Variants in TBC1D22A observed in about 807,000 individuals in gnomAD.
The protein encoded by TBC1D22A is putative GTPase activator.
TBC1D22A carries 38 observed loss-of-function variants against 60.2 expected under a neutral mutation model. The ratio of observed to expected loss-of-function variants is 0.63; its 90% CI spans 0.49 to 0.83. TBC1D22A has a LOEUF of 0.83. Ranked by LOEUF, TBC1D22A falls within the 40% of genes least tolerant of loss-of-function variation. The pLI is 0.00. For synonymous variants in TBC1D22A, 302 were observed against 281.7 expected (o/e 1.07, Z -0.72); for missense variants, 628 against 701.0 (o/e 0.90, Z 1.18).
At chr22:46,864,334 T>C (rs2066951274) in intron 4 of TBC1D22A, among the ~76,000 whole-genome samples, 1 of 152,226 alleles carries the variant, frequency 6.6e-6, no homozygotes, top group Non-Finnish European at 1.5e-5. Flanking sequence ...GAGCAGCCAC[T>C]ATCCCTTGCT....
At chr22:47,067,741 AT>A (rs1335460440) in intron 11 of TBC1D22A, among the ~76,000 whole-genome samples, 1 of 152,222 alleles carries the variant, frequency 6.6e-6, no homozygotes, top group Non-Finnish European at 1.5e-5. Context: ...CTTGAAACAG[AT>A]TAAGACCACG....
chr22:46,951,549 G>A (rs367984778), intron 8 of TBC1D22A, among the ~76,000 whole-genome samples: 19 of 152,150 alleles, frequency 1.2e-4, no homozygotes, highest in African/African-American at 3.1e-4. Context: ...TGTATTTCAC[G>A]CCAGTTAGGG....
chr22:46,953,447 A>T (rs1842988900), intron 8 of TBC1D22A, among the ~76,000 whole-genome samples: 1 of 151,660 alleles, frequency 6.6e-6, no homozygotes, highest in Non-Finnish European at 1.5e-5. Flanking sequence ...ATTATTTAAA[A>T]AATGCCTTTC....
At chr22:47,097,560 G>C (rs1243282100) in intron 11 of TBC1D22A, among the ~76,000 whole-genome samples, 1 of 151,930 alleles carries the variant, frequency 6.6e-6, no homozygotes, top group Non-Finnish European at 1.5e-5. Flanking sequence ...GCAGTGAGCT[G>C]AGATTGCACC....
rs998925166 is a variant in TBC1D22A at position 46,793,803 on chromosome 22, T to C, written c.422T>C (p.Val141Ala). The change falls in exon 3 of 13, where the codon GTG (valine) becomes GCG (alanine). Residue 141 changes from valine (V) to alanine (A), a missense_variant. Val to Ala is a moderately conservative substitution (Grantham distance 64). Transcript: ENST00000337137. ...CCCCCCAGCGGCGACCTCCGGCTGG[T>C]GAAGTCGGTCAGTGAGAGCCACACG... ...PSPPSGDLRL[V>A]KSVSESHTSC... 15 of 1,595,740 alleles carry C rather than the reference T, an allele frequency of 9.4e-6. No individual in the cohort carries two copies. Among genetic ancestry groups the C allele is most frequent in the African/African-American group, 1.3e-5 (1 of 74,522 alleles).
intron 12 of TBC1D22A, among the ~76,000 whole-genome samples, chr22:47,164,311 G>A (rs1434628924): frequency 1.3e-5 from 2 of 152,372 alleles, no homozygotes; most frequent in South Asian, 2.1e-4. Flanking sequence ...GACAAGCCCA[G>A]TGTACTCTCA....
intron 1 of TBC1D22A, among the ~76,000 whole-genome samples, chr22:46,771,612 T>G (rs1326867676): frequency 1.3e-5 from 2 of 151,476 alleles, no homozygotes; most frequent in Non-Finnish European, 3.0e-5. Flanking sequence ...TTTTTTTTTT[T>G]GAGATGGAGT....
chr22:47,141,211 C>T (rs1321986558), intron 12 of TBC1D22A, among the ~76,000 whole-genome samples: 1 of 152,012 alleles, frequency 6.6e-6, no homozygotes, highest in African/African-American at 2.4e-5. Flanking sequence ...TGGGAAAGAC[C>T]CACCTCCATG....
At chr22:46,821,053 C>CT (rs139587) in intron 4 of TBC1D22A, among the ~76,000 whole-genome samples, 3,037 of 123,888 alleles carry the variant, frequency 0.025, 105 homozygotes, top group African/African-American at 0.075. Flanking sequence ...GCAACCCCTG[C>CT]TTTTTTTTTT....
chr22:46,954,616 C>T (rs530148889), intron 8 of TBC1D22A, among the ~76,000 whole-genome samples: 2 of 152,272 alleles, frequency 1.3e-5, no homozygotes, highest in South Asian at 4.1e-4. Flanking sequence ...GCTGAGGACG[C>T]CGAGCTGAGT....
intron 12 of TBC1D22A, among the ~76,000 whole-genome samples, chr22:47,159,028 ACACAC>A (rs2067836514): frequency 6.6e-6 from 1 of 151,156 alleles, no homozygotes; most frequent in South Asian, 2.1e-4. Flanking sequence ...ATACACACAC[ACACAC>A]CATGTATACA....
chr22:47,026,955 T>G (rs1483704067), intron 10 of TBC1D22A, among the ~76,000 whole-genome samples: 2 of 152,190 alleles, frequency 1.3e-5, no homozygotes, highest in Admixed American at 1.3e-4. Flanking sequence ...ATGAACAAAG[T>G]TGAAGGACTT....
At chr22:46,897,635 G>GTTTTTTTTT (rs1602366020) in intron 7 of TBC1D22A, among the ~76,000 whole-genome samples, 8 of 125,544 alleles carry the variant, frequency 6.4e-5, no homozygotes, top group African/African-American at 2.5e-4. Flanking sequence ...GTTTTGTTTC[G>GTTTTTTTTT]TTTTGTTTTT....
intron 11 of TBC1D22A, among the ~76,000 whole-genome samples, chr22:47,080,496 TCCG>T (rs2064417946): frequency 6.6e-6 from 1 of 152,082 alleles, no homozygotes; most frequent in Admixed American, 6.5e-5. Flanking sequence ...TTTTAAATAA[TCCG>T]CGATTCAAAG....
intron 9 of TBC1D22A, among the ~76,000 whole-genome samples, chr22:46,976,969 G>GGTA (rs2074323852): frequency 6.6e-6 from 1 of 152,186 alleles, no homozygotes; most frequent in South Asian, 2.1e-4. Flanking sequence ...CAGTCCCCAT[G>GGTA]GGAATGAATG....
At chr22:46,801,368 A>T (rs781380853) in intron 4 of TBC1D22A, among the ~76,000 whole-genome samples, 67 of 152,372 alleles carry the variant, frequency 4.4e-4, no homozygotes, top group Non-Finnish European at 8.7e-4. Flanking sequence ...CAAATCACTG[A>T]TGTGAGAAGT....
rs193195923 is a variant in TBC1D22A, at chr22:47,138,740, G to A, written c.1425+27137G>A. Reference sequence around the variant, plus strand: ...TCATTTATTTCTCAGATCTAGGGGCGGGGAGGCCATAATCAAGGCACCGGC... The same window carrying A: ...TCATTTATTTCTCAGATCTAGGGGCAGGGAGGCCATAATCAAGGCACCGGC... On this transcript the variant is annotated intron_variant, in intron 12 of 12. Transcript: ENST00000337137. Among the ~76,000 whole-genome samples the A allele has an allele frequency of 1.2e-4, 19 of 152,304 alleles. No homozygotes were observed. The East Asian group carries it at 1.4e-3, about 11-fold the overall frequency.
intron 11 of TBC1D22A, among the ~76,000 whole-genome samples, chr22:47,107,026 G>C (rs1007994170): frequency 1.3e-5 from 2 of 152,232 alleles, no homozygotes; most frequent in African/African-American, 4.8e-5. Context: ...TCAGTGTGTG[G>C]TGCTGGTATG....
rs1026024804 is a variant in TBC1D22A at position 46,797,703 on chromosome 22, A to G, written c.637+83A>G. The G allele has an allele frequency of 4.3e-6, 6 of 1,398,078 alleles. No individual in the cohort carries two copies. The African/African-American group carries it at 4.4e-5, about 10-fold the overall frequency. 86.6% of individuals were successfully genotyped at this position (1,398,078 alleles called of 1,614,324 possible). A position where few individuals can be genotyped will look rare whatever the true frequency, so the allele number is the denominator to read the frequency against. On this transcript the variant is annotated intron_variant, in intron 4 of 12. Transcript: ENST00000337137. ...GATCACATCTTAAAGGATTCTATGT[A>G]TGCTTATGTAATGCACACGCGTCCG...
Sources: allele counts gnomAD v4.1 joint callset (sites outside exome capture counted in the v4.1 genomes callset), GRCh38; gene constraint gnomAD v4.1.1; transcripts MANE v1.5; gene names NCBI Gene and HGNC (gene_info 2026-07-23, HGNC 2026-07-21).